The following DMD variants were observed in gnomAD, a reference collection of about 807,000 sequenced individuals.
DMD encodes the protein mutant dystrophin.
Under a neutral mutation model 330.1 loss-of-function variants are expected in DMD, and 63 were observed. The ratio of observed to expected loss-of-function variants is 0.19; its 90% CI spans 0.16 to 0.24. DMD has a LOEUF of 0.24. DMD is among the 10% of genes least tolerant of loss of function. The probability of loss-of-function intolerance (pLI) is 1.00; values close to 1 mark genes in which losing one functional copy is unlikely to be tolerated. For synonymous variants in DMD, 1,223 were observed against 959.8 expected (o/e 1.27, Z -5.07); for missense variants, 3,344 against 2,684.1 (o/e 1.25, Z -5.43).
intron 43 of DMD, among the ~76,000 whole-genome samples, chrX:32,235,847 T>A (rs2097185746): frequency 9.0e-6 from 1 of 111,223 alleles, no homozygotes. Flanking sequence ...GTTTTAGTGT[T>A]TTTTAACTAT....
At chrX:32,054,822 A>AGAGAG (rs1179887451) in intron 44 of DMD, among the ~76,000 whole-genome samples, 3 of 83,934 alleles carry the variant, frequency 3.6e-5, no homozygotes, top group Non-Finnish European at 6.7e-5. Context: ...CTAATGTGTG[A>AGAGAG]GAGAGGGGAG....
rs1449615533 is a variant in DMD at position 32,135,414 on chromosome X, G to A, written c.6438+81502C>T. On this transcript the variant is annotated intron_variant, in intron 44 of 78. Transcript: ENST00000357033. ...GTAAGTTGTTTATTTTTATTGACAT[G>A]CATCTTTTATTAGCTATTTAATGGT... Among the ~76,000 whole-genome samples, 5 of 112,638 alleles carry A rather than the reference G, an allele frequency of 4.4e-5. No individual in the cohort carries two copies. The South Asian group carries it at 1.8e-3, about 41-fold the overall frequency.
At chrX:32,404,706 G>C (rs1054281759) in intron 30 of DMD, among the ~76,000 whole-genome samples, 1 of 111,498 alleles carries the variant, frequency 9.0e-6, no homozygotes, top group Non-Finnish European at 1.9e-5. Context: ...GTATGTGAAA[G>C]TATCTTTGTA....
chrX:32,466,468 C>T (rs73619095), intron 23 of DMD, among the ~76,000 whole-genome samples: 6,366 of 111,017 alleles, frequency 0.057, 454 homozygotes, highest in African/African-American at 0.2. Flanking sequence ...ATGCTACCCC[C>T]AAGATGTCCT....
At position 32,089,380 on chromosome X, in the gene DMD, C is replaced by T. The variant is rs183263424; in HGVS notation, c.6439-120866G>A. Among the ~76,000 whole-genome samples, 4 of 111,652 alleles carry T rather than the reference C, an allele frequency of 3.6e-5. No individual in the cohort carries two copies. The Admixed American group carries it at 3.8e-4, about 11-fold the overall frequency. On this transcript the variant is annotated intron_variant, in intron 44 of 78. Transcript: ENST00000357033. ...GGGTTTGGTGTAAAGATTATTTTCT[C>T]ACGCAGGTACTAAACATAGTACCCA...
chrX:32,452,304 GGAAAGTGAAAGTGAAAGT>G lies in DMD; in HGVS notation c.3603+2340_3603+2357del, dbSNP rs1194944157. 2.0e-3 allele frequency among the ~76,000 whole-genome samples: 48 copies of G among 23,805 alleles called. 6 individuals are homozygous for G. Among genetic ancestry groups the G allele is most frequent in the African/African-American group, 9.4e-3 (46 of 4,893 alleles). The allele number at this position is 23,805 out of a possible 115,157, so 20.7% of individuals were successfully genotyped here. ...AAAAGAAAGGAAAGGAAAAGGAAAG[GGAAAGTGAAAGTGAAAGT>G]GAAAGTGAAAGTGAAAGGGAAAGGG... On this transcript the variant is annotated intron_variant, in intron 26 of 78. Coordinates refer to ENST00000357033, the MANE Select transcript of DMD (RefSeq NM_004006.3).
intron 63 of DMD, among the ~76,000 whole-genome samples, chrX:31,228,943 A>C (rs903057363): frequency 1.8e-5 from 2 of 112,539 alleles, no homozygotes; most frequent in South Asian, 3.7e-4. Flanking sequence ...GGCAAACATC[A>C]AACCACCTAC....
intron 48 of DMD, among the ~76,000 whole-genome samples, chrX:31,863,157 C>A: frequency 8.9e-6 from 1 of 112,178 alleles, no homozygotes; most frequent in Non-Finnish European, 1.9e-5. Context: ...TCCTGGCTAA[C>A]ATGGTGAAAC....
chrX:31,651,191 A>C (rs2085190296), intron 54 of DMD, among the ~76,000 whole-genome samples: 1 of 111,911 alleles, frequency 8.9e-6, no homozygotes, highest in Non-Finnish European at 1.9e-5. Context: ...AAAACACAGA[A>C]AATTTAACTT....
chrX:32,731,405 C>A (rs1480008881), intron 7 of DMD, among the ~76,000 whole-genome samples: 7 of 112,497 alleles, frequency 6.2e-5, no homozygotes, highest in Non-Finnish European at 7.5e-5. Context: ...TGGGTGGAGC[C>A]CACCACAACT....
At chrX:31,821,192 C>T (rs192251948) in intron 49 of DMD, among the ~76,000 whole-genome samples, 6 of 112,973 alleles carry the variant, frequency 5.3e-5, no homozygotes, top group African/African-American at 1.6e-4. Flanking sequence ...TAAGTCCTAA[C>T]GCCCTAGGGC....
At chrX:32,542,551 C>A (rs1337844844) in intron 17 of DMD, among the ~76,000 whole-genome samples, 1 of 112,112 alleles carries the variant, frequency 8.9e-6, no homozygotes, top group Non-Finnish European at 1.9e-5. Context: ...TAGTGTGTCA[C>A]AGAAGCTGGA....
At chrX:31,765,097 C>A (rs1307799137) in intron 51 of DMD, among the ~76,000 whole-genome samples, 1 of 108,524 alleles carries the variant, frequency 9.2e-6, no homozygotes, top group East Asian at 2.9e-4. Flanking sequence ...TTGGAAATTA[C>A]TGATCAATTC....
chrX:31,897,872 T>C (rs1423962568), intron 47 of DMD, among the ~76,000 whole-genome samples: 15 of 110,423 alleles, frequency 1.4e-4, no homozygotes, highest in African/African-American at 3.0e-4. Context: ...ATTTTGTAGG[T>C]TGCCTGTTCA....
chrX:32,519,839 A>G (rs1021844708), intron 17 of DMD, among the ~76,000 whole-genome samples: 1 of 112,245 alleles, frequency 8.9e-6, no homozygotes, highest in African/African-American at 3.2e-5. Flanking sequence ...AGATACAGAA[A>G]TTAATGGAAC....
chrX:32,954,282 A>C (rs1460942331), intron 2 of DMD, among the ~76,000 whole-genome samples: 1 of 112,013 alleles, frequency 8.9e-6, no homozygotes, highest in Non-Finnish European at 1.9e-5. Context: ...GGATTCAAGG[A>C]CCTCAGAGTC....
intron 62 of DMD, among the ~76,000 whole-genome samples, chrX:31,300,688 A>C (rs964414138): frequency 2.7e-5 from 3 of 111,987 alleles, no homozygotes; most frequent in Non-Finnish European, 5.6e-5. Context: ...CATTACCAAC[A>C]TGTTCATTGC....
chrX:31,299,506 G>T, intron 62 of DMD, among the ~76,000 whole-genome samples: 1 of 111,813 alleles, frequency 8.9e-6, no homozygotes, highest in East Asian at 2.8e-4. Context: ...GGCTGGGTGT[G>T]ATGGCTCACG....
chrX:32,465,168 C>A (rs940781666), intron 23 of DMD, among the ~76,000 whole-genome samples: 14 of 111,995 alleles, frequency 1.3e-4, no homozygotes, highest in African/African-American at 4.2e-4. Flanking sequence ...AACTTTTGGA[C>A]TAATATTTTG....
Sources: gnomAD v4.1 joint callset for allele counts (sites outside exome capture counted in the v4.1 genomes callset) on GRCh38, gnomAD v4.1.1 for gene constraint, MANE v1.5 for transcripts, NCBI Gene and HGNC (gene_info 2026-07-23, HGNC 2026-07-21) for gene names.